The following ALMS1 variants were observed in gnomAD, a reference collection of about 807,000 sequenced individuals.
The protein encoded by ALMS1 is ALMS1 centrosome and basal body associated protein, also known as centrosome-associated protein ALMS1.
Under a neutral mutation model 352.2 loss-of-function variants are expected in ALMS1, and 271 were observed. The ratio of observed to expected loss-of-function variants is 0.77; its 90% CI spans 0.70 to 0.85. ALMS1 has a LOEUF of 0.85. ALMS1 is among the 40% of genes least tolerant of loss of function. The probability of loss-of-function intolerance (pLI) is 0.00; values close to 1 mark genes in which losing one functional copy is unlikely to be tolerated. For missense variants in ALMS1, 5,445 were observed against 4,870.7 expected (o/e 1.12, Z -3.51); for synonymous variants, 1,865 against 1,761.2 (o/e 1.06, Z -1.48).
chr2:73,452,700 T>A lies in ALMS1; in HGVS notation c.6173T>A (p.Phe2058Tyr), dbSNP rs1281277267. ...CAAACAGTAAAGCCCAATATTTTAT[T>A]TCAACAGCAGTTGCCAGATAGAGAT... Reference protein sequence around the residue: ...YSQTVKPNILFQQQLPDRDQS... With the variant: ...YSQTVKPNILYQQQLPDRDQS... Residue 2058 changes from phenylalanine (F) to tyrosine (Y), a missense_variant, in exon 8 of 23, where the codon TTT becomes TAT. Coordinates refer to ENST00000613296, the MANE Select transcript of ALMS1 (RefSeq NM_001378454.1). 1 of 1,613,730 alleles carries A rather than the reference T, an allele frequency of 6.2e-7. No homozygotes were observed. The highest frequency in any genetic ancestry group is 8.5e-7 in the Non-Finnish European group (1 of 1,179,964).
chr2:73,386,098 A>C lies in ALMS1; in HGVS notation c.230A>C (p.Lys77Thr). ...GACGACGAGGAGGACGAGGAGGCCAAGGCCTGGCTGCAGGCGCACCCCGGC... is the reference window on the plus strand; with the variant it reads ...GACGACGAGGAGGACGAGGAGGCCACGGCCTGGCTGCAGGCGCACCCCGGC... ...SIDDEEDEEA[K>T]AWLQAHPGRI... Residue 77 changes from lysine to threonine, a missense_variant, in exon 1 of 23, where the codon AAG (lysine) becomes ACG (threonine). By Grantham distance (78) the Lys-to-Thr change is moderately conservative. Coordinates refer to ENST00000613296, the MANE Select transcript of ALMS1 (RefSeq NM_001378454.1). 1 of 1,594,418 alleles carries C rather than the reference A, an allele frequency of 6.3e-7. No homozygotes were observed. Among genetic ancestry groups the C allele is most frequent in the Non-Finnish European group, 8.5e-7 (1 of 1,171,128 alleles).
At chr2:73,461,674 T>C (rs1672206088) in intron 9 of ALMS1, among the ~76,000 whole-genome samples, 1 of 152,026 alleles carries the variant, frequency 6.6e-6, no homozygotes, top group Admixed American at 6.6e-5. Flanking sequence ...CAGGAGGAAA[T>C]TCAAACCAAT....
At chr2:73,440,443 G>A (rs1007758993) in intron 7 of ALMS1, among the ~76,000 whole-genome samples, 9 of 151,802 alleles carry the variant, frequency 5.9e-5, no homozygotes, top group East Asian at 1.9e-4. Flanking sequence ...TCTCTCTCGC[G>A]TTCGCTGTCT....
chr2:73,399,645 CTG>C (rs1033697792), intron 1 of ALMS1, among the ~76,000 whole-genome samples: 2 of 151,992 alleles, frequency 1.3e-5, no homozygotes, highest in Admixed American at 6.6e-5. Context: ...ACCTCCAACA[CTG>C]GGGATTACAT....
At chr2:73,468,155 A>G (rs550678062) in intron 9 of ALMS1, among the ~76,000 whole-genome samples, 7 of 152,148 alleles carry the variant, frequency 4.6e-5, no homozygotes, top group East Asian at 3.9e-4. Flanking sequence ...TAAGAAGGCA[A>G]CCATTTCTAA....
At position 73,419,323 on chromosome 2, in the gene ALMS1, T is replaced by C. The variant is rs1235104737; in HGVS notation, c.646+5T>C. 6.2e-7 allele frequency: 1 copy of C among 1,612,876 alleles called. No homozygotes were observed. Among genetic ancestry groups the C allele is most frequent in the South Asian group, 1.1e-5 (1 of 91,066 alleles). ...TCTTCTGTTCTCCACTGCTAGGTAA[T>C]GCCTGTTTATTTTAACTAGTAGTAA... On this transcript the variant is annotated splice_donor_5th_base_variant and intron_variant, in intron 3 of 22. Transcript: ENST00000613296.
At chr2:73,540,162 C>T (rs934576389) in intron 12 of ALMS1, among the ~76,000 whole-genome samples, 1 of 152,234 alleles carries the variant, frequency 6.6e-6, no homozygotes, top group Non-Finnish European at 1.5e-5. Context: ...ATCAGACTAA[C>T]AACTGATCTC....
At chr2:73,602,057 A>G in intron 19 of ALMS1, 128 bp from the exon 20 acceptor site, 1 of 977,680 alleles carries the variant, frequency 1.0e-6, no homozygotes, top group Non-Finnish European at 1.6e-6. Flanking sequence ...TCAACGCTAG[A>G]TACTTTCTCG....
intron 6 of ALMS1, among the ~76,000 whole-genome samples, chr2:73,428,408 A>G (rs1279639293): frequency 6.6e-6 from 1 of 151,936 alleles, no homozygotes; most frequent in African/African-American, 2.4e-5. Flanking sequence ...GGTGAAACTA[A>G]GGTTAAGATT....
chr2:73,434,859 A>G (rs1366724325), intron 7 of ALMS1, among the ~76,000 whole-genome samples: 1 of 152,126 alleles, frequency 6.6e-6, no homozygotes, highest in Non-Finnish European at 1.5e-5. Flanking sequence ...GCTGAAATGC[A>G]GTGCGTGGCT....
At chr2:73,509,922 A>G (rs1179148862) in intron 10 of ALMS1, among the ~76,000 whole-genome samples, 1 of 151,778 alleles carries the variant, frequency 6.6e-6, no homozygotes. Context: ...TAGTCTTTTC[A>G]CATAGTCCCA....
intron 12 of ALMS1, among the ~76,000 whole-genome samples, chr2:73,541,216 A>G (rs1243173745): frequency 6.6e-6 from 1 of 152,114 alleles, no homozygotes; most frequent in African/African-American, 2.4e-5. Flanking sequence ...GGATTAAGAA[A>G]CTCACTCAGA....
intron 1 of ALMS1, among the ~76,000 whole-genome samples, chr2:73,401,041 C>T (rs1399564107): frequency 2.6e-5 from 4 of 152,198 alleles, no homozygotes; most frequent in Non-Finnish European, 5.9e-5. Flanking sequence ...CCCACCCTGG[C>T]CTTCCAAAGT....
At chr2:73,437,260 C>G (rs1671621998) in intron 7 of ALMS1, among the ~76,000 whole-genome samples, 1 of 152,152 alleles carries the variant, frequency 6.6e-6, no homozygotes, top group African/African-American at 2.4e-5. Context: ...GGGGCAGGTT[C>G]ATTGGTCTAC....
chr2:73,422,739 T>A, intron 3 of ALMS1, 118 bp from the exon 4 acceptor site: 1 of 850,956 alleles, frequency 1.2e-6, no homozygotes, highest in African/African-American at 1.7e-5. Context: ...ATATTATTAT[T>A]CTAATGCTTG....
chr2:73,475,179 A>T (rs1672558486), intron 9 of ALMS1, among the ~76,000 whole-genome samples: 1 of 152,148 alleles, frequency 6.6e-6, no homozygotes, highest in African/African-American at 2.4e-5. Context: ...GCCATTGTGA[A>T]TAGTGCTGCT....
At chr2:73,485,679 G>A (rs1045448489) in intron 9 of ALMS1, among the ~76,000 whole-genome samples, 1 of 152,166 alleles carries the variant, frequency 6.6e-6, no homozygotes, top group Non-Finnish European at 1.5e-5. Context: ...CAGCCTCGCT[G>A]CCACCTTGCA....
chr2:73,417,747 G>C (rs1294966906), intron 2 of ALMS1, among the ~76,000 whole-genome samples: 1 of 152,088 alleles, frequency 6.6e-6, no homozygotes, highest in African/African-American at 2.4e-5. Context: ...AGCTAATTTA[G>C]TGTTCATTTC....
intron 10 of ALMS1, among the ~76,000 whole-genome samples, chr2:73,494,139 G>T (rs1008613738): frequency 1.3e-5 from 2 of 152,176 alleles, no homozygotes; most frequent in African/African-American, 4.8e-5. Context: ...CCTTAGTGAG[G>T]CAGTGAGAGG....
Sources: allele counts gnomAD v4.1 joint callset (sites outside exome capture counted in the v4.1 genomes callset), GRCh38; gene constraint gnomAD v4.1.1; transcripts MANE v1.5; gene names NCBI Gene and HGNC (gene_info 2026-07-23, HGNC 2026-07-21).